The following LINGO3 variants were observed in gnomAD, a reference collection of about 807,000 sequenced individuals.
LINGO3 encodes leucine-rich repeat and immunoglobulin-like domain-containing nogo receptor-interacting protein 3.
For synonymous variants in LINGO3, 427 were observed against 444.2 expected (o/e 0.96, Z 0.49); for missense variants, 750 against 867.7 (o/e 0.86, Z 1.70).
the LINGO3 span, among the ~76,000 whole-genome samples, chr19:2,306,317 C>T: frequency 2.6e-5 from 4 of 152,260 alleles, no homozygotes; most frequent in Admixed American, 1.3e-4. Context: ...GGGTGAAGGG[C>T]GCTCTTTGGA....
Position 2,291,603 on chromosome 19 carries a change from C to T in LINGO3, c.174G>A (p.Leu58=), listed in dbSNP as rs1196912319. The T allele has an allele frequency of 2.6e-6, 4 of 1,517,382 alleles. No homozygotes were observed. In the African/African-American group the frequency reaches 4.3e-5, roughly 16 times the overall value. The allele number at this position is 1,517,382 out of a possible 1,614,324, so 94.0% of individuals were successfully genotyped here. The change falls in exon 1 of 1, where the codon CTG becomes CTA. Residue 58 remains leucine, a synonymous_variant. Coordinates refer to ENST00000585527, the Ensembl canonical transcript of LINGO3. ...GGATGCGGTTGCGGCTGAGCTCCAGCAGGCGGGTCTCGGCCGGGATGCCGT... is the reference window on the plus strand; with the variant it reads ...GGATGCGGTTGCGGCTGAGCTCCAGTAGGCGGGTCTCGGCCGGGATGCCGT...
At chr19:2,294,324 C>T (rs758374742), upstream of LINGO3, among the ~76,000 whole-genome samples, 7 of 152,156 alleles carry the variant, frequency 4.6e-5, no homozygotes, top group South Asian at 4.1e-4. The surrounding 1 kb of genome is among the most constrained non-coding windows in gnomAD (Gnocchi z 4.3). Context: ...CCCAGGAAGC[C>T]GGGAGAGGCA....
In LINGO3 at chr19:2,291,841, CG is replaced by C. The variant is rs2025528126; in HGVS notation, c.-66del. The C allele has an allele frequency of 2.2e-6, 3 of 1,377,842 alleles. No individual in the cohort carries two copies. The South Asian group carries it at 3.7e-5, about 17-fold the overall frequency. The allele number at this position is 1,377,842 out of a possible 1,614,324, so 85.4% of individuals were successfully genotyped here. A position where few individuals can be genotyped will look rare whatever the true frequency, so the allele number is the denominator to read the frequency against. ...TGCGCACCTGCGGGCGGGCGGGGAG[CG>C]GGCAGCGTTAGCACCGTTAGCACCC... On this transcript the variant is annotated 5_prime_UTR_variant, in exon 1 of 1. Coordinates refer to ENST00000585527, the Ensembl canonical transcript of LINGO3.
the LINGO3 span, among the ~76,000 whole-genome samples, chr19:2,303,360 G>T: frequency 4.2e-5 from 5 of 118,924 alleles, no homozygotes; most frequent in African/African-American, 7.5e-5. Context: ...GAGCTGTGGG[G>T]GGGGGGGTCT....
At chr19:2,291,026 G>T in exon 1 of LINGO3, 1 of 1,611,328 alleles carries the variant, frequency 6.2e-7, no homozygotes. Flanking sequence ...GTGACCGACA[G>T]CGAGGTCAGG....
chr19:2,298,522 G>A, the LINGO3 span, among the ~76,000 whole-genome samples: 1 of 146,494 alleles, frequency 6.8e-6, no homozygotes. Flanking sequence ...ATGAGCCACC[G>A]TGCTGGGCCA....
rs7258841 is a variant in LINGO3, at chr19:2,290,500, C to T, written c.1277G>A (p.Arg426His). The T allele has an allele frequency of 0.16, 240,315 of 1,498,504 alleles. 23,491 individuals carry two copies. Among genetic ancestry groups the T allele is most frequent in the East Asian group, 0.37 (14,083 of 37,866 alleles). The allele number at this position is 1,498,504 out of a possible 1,614,324, so 92.8% of individuals were successfully genotyped here. A position where few individuals can be genotyped will look rare whatever the true frequency, so the allele number is the denominator to read the frequency against. Residue 426 changes from arginine (R) to histidine (H), a missense_variant, in exon 1 of 1, where the codon CGC becomes CAC. Transcript: ENST00000585527. The surrounding 1 kb of genome is among the most constrained non-coding windows in gnomAD (Gnocchi z 6.0). Reference sequence around the variant, plus strand: ...CTCGCCCTCGGCGCGGCAGAGGAAGCGGACGTCTTCGCCCGCGGTGGCCGT... The same window carrying T: ...CTCGCCCTCGGCGCGGCAGAGGAAGTGGACGTCTTCGCCCGCGGTGGCCGT...
chr19:2,298,162 T>A, the LINGO3 span, among the ~76,000 whole-genome samples: 1 of 152,014 alleles, frequency 6.6e-6, no homozygotes, highest in African/African-American at 2.4e-5. Flanking sequence ...GTGCTGAGAT[T>A]ATAGGTGTGA....
exon 1 of LINGO3, chr19:2,291,395 G>A: frequency 6.2e-7 from 1 of 1,613,556 alleles, no homozygotes. Context: ...AGCAGCGTGA[G>A]GTTGTCCAGG....
At chr19:2,292,190 T>TAAA (rs35830745), upstream of LINGO3, among the ~76,000 whole-genome samples, 1 of 140,864 alleles carries the variant, frequency 7.1e-6, no homozygotes, top group Non-Finnish European at 1.6e-5. Context: ...CCCTGTCTCT[T>TAAA]AAAAAAAAAA....
At chr19:2,299,137 G>C in the LINGO3 span, among the ~76,000 whole-genome samples, 1 of 152,142 alleles carries the variant, frequency 6.6e-6, no homozygotes, top group South Asian at 2.1e-4. Flanking sequence ...CCCAGCAGGG[G>C]CCACTCAAGC....
chr19:2,307,266 T>C, the LINGO3 span, among the ~76,000 whole-genome samples: 1 of 152,228 alleles, frequency 6.6e-6, no homozygotes, highest in Non-Finnish European at 1.5e-5. Flanking sequence ...TCAGAAGTTC[T>C]GACTCCTCAG....
At chr19:2,291,498 C>T in exon 1 of LINGO3, 3 of 1,611,676 alleles carry the variant, frequency 1.9e-6, no homozygotes, top group Non-Finnish European at 2.5e-6. Context: ...CGCCGGGCTC[C>T]ACGTGCGCGA....
upstream of LINGO3, among the ~76,000 whole-genome samples, chr19:2,296,015 G>GC (rs1271472396): frequency 1.1e-4 from 17 of 151,592 alleles, no homozygotes; most frequent in Admixed American, 2.6e-4. Context: ...GAGGGGGCAT[G>GC]CCCCCCCCAA....
At position 2,290,004 on chromosome 19, in the gene LINGO3, C is replaced by T; in HGVS notation, c.1773G>A (p.Met591Ile). The T allele has an allele frequency of 1.3e-6, 2 of 1,539,536 alleles. No individual in the cohort carries two copies. Among genetic ancestry groups the T allele is most frequent in the South Asian group, 2.4e-5 (2 of 83,280 alleles). Reference sequence around the variant, plus strand: ...GGTCCGCCCTGGGGACCCCTCAGATCATCTTCATGTTGAACTTGCGCGCGC... The same window carrying T: ...GGTCCGCCCTGGGGACCCCTCAGATTATCTTCATGTTGAACTTGCGCGCGC... The change falls in exon 1 of 1, where the codon ATG becomes ATA. Residue 591 changes from methionine (M) to isoleucine (I), a missense_variant. Physicochemically the swap from Met to Ile is conservative, Grantham distance 10. Transcript: ENST00000585527. The surrounding 1 kb of genome is among the most constrained non-coding windows in gnomAD (Gnocchi z 6.0).
the LINGO3 span, among the ~76,000 whole-genome samples, chr19:2,297,996 C>G: frequency 1.3e-5 from 2 of 151,988 alleles, no homozygotes; most frequent in Admixed American, 1.3e-4. Context: ...TCAAGCGATT[C>G]TCCTGCCTCA....
chr19:2,291,607 C>A, exon 1 of LINGO3: 1 of 1,502,602 alleles, frequency 6.7e-7, no homozygotes, highest in Non-Finnish European at 8.8e-7. Flanking sequence ...CTCCAGCAGG[C>A]GGGTCTCGGC....
At chr19:2,293,878 C>G (rs890489412), upstream of LINGO3, among the ~76,000 whole-genome samples, 2 of 151,844 alleles carry the variant, frequency 1.3e-5, no homozygotes, top group South Asian at 4.2e-4. Context: ...CATGGGGAAC[C>G]CCCGTCTCAA....
At chr19:2,304,586 C>A in the LINGO3 span, among the ~76,000 whole-genome samples, 1 of 151,826 alleles carries the variant, frequency 6.6e-6, no homozygotes, top group Non-Finnish European at 1.5e-5. Flanking sequence ...TGTGCTGAGG[C>A]TATGAAGGGA....
Sources: allele counts gnomAD v4.1 joint callset (sites outside exome capture counted in the v4.1 genomes callset), GRCh38; gene constraint gnomAD v4.1.1; non-coding constraint Gnocchi (gnomAD v3.1); transcripts MANE v1.5; gene names NCBI Gene and HGNC (gene_info 2026-07-23, HGNC 2026-07-21).